Variants in UMODL1 observed in about 807,000 individuals in gnomAD.
UMODL1 encodes uromodulin like 1.
In UMODL1, 128 loss-of-function variants were observed where a neutral mutation model predicts 136.3. The ratio of observed to expected loss-of-function variants is 0.94; its 90% confidence interval spans 0.81 to 1.09. The LOEUF (loss-of-function observed/expected upper bound fraction) is 1.09, where lower values mean the gene tolerates loss of function less well. Among genes scored for constraint, UMODL1 ranks in the 50% least tolerant of loss-of-function variants. The probability of loss-of-function intolerance (pLI) is 0.00; values close to 1 mark genes in which losing one functional copy is unlikely to be tolerated. For synonymous variants in UMODL1, 721 were observed against 720.0 expected (o/e 1.00, Z -0.02); for missense variants, 1,766 against 1,725.6 (o/e 1.02, Z -0.41).
chr21:42,122,942 C>T lies in UMODL1; in HGVS notation c.2939C>T (p.Pro980Leu), dbSNP rs768402223. 1 of 1,614,000 alleles carries T rather than the reference C, an allele frequency of 6.2e-7. No individual in the cohort carries two copies. Among genetic ancestry groups the T allele is most frequent in the East Asian group, 2.2e-5 (1 of 44,882 alleles). Residue 980 changes from proline to leucine, a missense_variant, in exon 17 of 23, where the codon CCC (proline) becomes CTC (leucine). Coordinates refer to ENST00000408910, the MANE Select transcript of UMODL1 (RefSeq NM_001004416.3). The surrounding 1 kb of genome is among the most constrained non-coding windows in gnomAD (Gnocchi z 4.3). ...QGTSPTPQGL[P>L]QRLNLTGAVR... ...ACCAGCCCCACCCCCCAAGGCCTGC[C>T]CCAGCGGCTGAACCTGACCGGAGCA...
chr21:42,110,930 A>C lies in UMODL1; in HGVS notation c.1708A>C (p.Thr570Pro), dbSNP rs370799012. 3.1e-6 allele frequency: 5 copies of C among 1,612,738 alleles called. No individual in the cohort carries two copies. In the African/African-American group the frequency reaches 6.7e-5, roughly 22 times the overall value. ...GGGLSAATGV[T>P]VPGLGTGTAA... is the part of the protein sequence containing the mutation. ...TGGACTGTCTGCGGCAACAGGGGTA[A>C]CGGTCCCAGGTCTTGGCACGGGAAC... is the stretch of plus-strand genomic sequence containing the variant. Residue 570 changes from threonine to proline, a missense_variant, in exon 11 of 23, where the codon ACG becomes CCG. Coordinates refer to ENST00000408910, the MANE Select transcript of UMODL1 (RefSeq NM_001004416.3).
upstream of UMODL1, among the ~76,000 whole-genome samples, chr21:42,070,776 A>G (rs2146410363): frequency 6.6e-6 from 1 of 152,358 alleles, no homozygotes; most frequent in South Asian, 2.1e-4. Context: ...CTCTCAGCCC[A>G]AGCTCCGGGA....
chr21:42,078,788 A>G (rs1056081338), intron 2 of UMODL1, among the ~76,000 whole-genome samples: 2 of 152,196 alleles, frequency 1.3e-5, no homozygotes, highest in African/African-American at 2.4e-5. Flanking sequence ...CTGTACTCTC[A>G]TTGGTTCCCT....
At chr21:42,133,751 CCTT>C (rs1051152758) in intron 21 of UMODL1, among the ~76,000 whole-genome samples, 3 of 152,208 alleles carry the variant, frequency 2.0e-5, no homozygotes, top group Non-Finnish European at 2.9e-5. Flanking sequence ...CTGCACATGG[CCTT>C]CTTTTTATAA....
rs1908153366 is a variant in UMODL1 at position 42,085,227 on chromosome 21, CCAG to C, written c.482-59_482-57del. On this transcript the variant is annotated intron_variant, in intron 3 of 22. Coordinates refer to ENST00000408910, the MANE Select transcript of UMODL1 (RefSeq NM_001004416.3). This position sits in a 1 kb window ranked among gnomAD's most constrained non-coding sequence, Gnocchi z 4.5. The stretch of plus-strand genomic sequence containing the variant: ...TCCCTCTCCTGCCCCCTCTCCCACC[CCAG>C]CAGCTTTTGTGACTTCAACCTGTCC... 3 of 1,577,662 alleles carry C rather than the reference CCAG, an allele frequency of 1.9e-6. No individual in the cohort carries two copies. The Admixed American group carries it at 5.2e-5, about 27-fold the overall frequency.
intron 13 of UMODL1, among the ~76,000 whole-genome samples, chr21:42,114,596 G>A (rs896702532): frequency 2.0e-5 from 3 of 152,198 alleles, no homozygotes; most frequent in East Asian, 1.9e-4. Context: ...ACAGTGGGGC[G>A]CACACCCCTT....
chr21:42,069,269 A>ACACACACACACAC (rs1171449440), upstream of UMODL1, among the ~76,000 whole-genome samples: 15 of 46,610 alleles, frequency 3.2e-4, no homozygotes, highest in Non-Finnish European at 7.4e-4. Context: ...CACACACACA[A>ACACACACACACAC]ACAGCAGGGG....
chr21:42,066,367 C>T (rs914172117), upstream of UMODL1, among the ~76,000 whole-genome samples: 3 of 152,362 alleles, frequency 2.0e-5, no homozygotes, highest in Middle Eastern at 3.4e-3. Context: ...ACTGCAACCT[C>T]CACCTCCTGG....
chr21:42,069,269 A>ACACACACACACACACACACACAC (rs1171449440), upstream of UMODL1, among the ~76,000 whole-genome samples: 1 of 46,614 alleles, frequency 2.1e-5, no homozygotes, highest in Non-Finnish European at 6.2e-5. Context: ...CACACACACA[A>ACACACACACACACACACACACAC]ACAGCAGGGG....
intron 6 of UMODL1, chr21:42,094,088 C>T (rs894198916): frequency 3.1e-5 from 12 of 393,324 alleles, no homozygotes; most frequent in East Asian, 2.9e-4. Flanking sequence ...ATTCTATTTA[C>T]GGTTAGGTTT....
intron 14 of UMODL1, among the ~76,000 whole-genome samples, chr21:42,117,962 A>G (rs571750214): frequency 2.0e-5 from 3 of 152,250 alleles, no homozygotes; most frequent in African/African-American, 7.2e-5. Context: ...CTAGAATTTC[A>G]GGACAGCAAA....
At chr21:42,126,515 C>T (rs374555389) in intron 18 of UMODL1, 25 bp downstream of exon 18, 18 of 1,613,934 alleles carry the variant, frequency 1.1e-5, no homozygotes, top group Non-Finnish European at 1.4e-5. Flanking sequence ...CCCCGGCTGC[C>T]CCACAGCCAC....
chr21:42,120,123 A>T (rs1032627882), intron 15 of UMODL1, among the ~76,000 whole-genome samples: 109 of 152,366 alleles, frequency 7.2e-4, no homozygotes, highest in African/African-American at 2.5e-3. Flanking sequence ...AGACATCCCC[A>T]TTAGAATGCA....
intron 22 of UMODL1, among the ~76,000 whole-genome samples, chr21:42,139,926 CA>C (rs574261104): frequency 5.3e-4 from 81 of 152,298 alleles, no homozygotes; most frequent in African/African-American, 1.9e-3. Context: ...ATCACTTCCA[CA>C]AGCGGGTGGC....
intron 2 of UMODL1, among the ~76,000 whole-genome samples, chr21:42,081,985 G>A (rs901141160): frequency 1.3e-5 from 2 of 152,156 alleles, no homozygotes; most frequent in South Asian, 2.1e-4. Flanking sequence ...TGCACCCAAC[G>A]TTCATTTTTC....
rs2066817975 is a variant in UMODL1, at chr21:42,111,134, G to A, written c.1899+13G>A. Reference sequence around the variant, plus strand: ...CGTGGAGCAGGAGGTGCCCAGCACTGCCCCGGGTCTGGGGATGGACCAGGG... The same window carrying A: ...CGTGGAGCAGGAGGTGCCCAGCACTACCCCGGGTCTGGGGATGGACCAGGG... On this transcript the variant is annotated intron_variant, in intron 11 of 22. Transcript: ENST00000408910. 6.2e-6 allele frequency: 10 copies of A among 1,601,152 alleles called. No individual in the cohort carries two copies. The highest frequency in any genetic ancestry group is 7.7e-6 in the Non-Finnish European group (9 of 1,174,440).
intron 1 of UMODL1, among the ~76,000 whole-genome samples, chr21:42,073,054 A>G (rs1053883983): frequency 6.6e-6 from 1 of 152,140 alleles, no homozygotes; most frequent in African/African-American, 2.4e-5. Flanking sequence ...GCGTGTGCGC[A>G]TGTGTGCAGG....
chr21:42,127,507 C>A lies in UMODL1; in HGVS notation c.3531-165C>A, dbSNP rs561340811. 5.9e-5 allele frequency among the ~76,000 whole-genome samples: 9 copies of A among 152,296 alleles called. No individual in the cohort carries two copies. In the South Asian group the frequency reaches 1.9e-3, roughly 32 times the overall value. ...TGCAGGATTTCCAGGCGAGTGCTGT[C>A]ATGGACCTGGGTTTTGGGGAACAAA... On this transcript the variant is annotated intron_variant, in intron 19 of 22. Coordinates refer to ENST00000408910, the MANE Select transcript of UMODL1 (RefSeq NM_001004416.3).
At chr21:42,103,786 C>T in intron 8 of UMODL1, 82 bp from the exon 9 acceptor site, 2 of 1,507,652 alleles carry the variant, frequency 1.3e-6, no homozygotes, top group Non-Finnish European at 1.8e-6. Context: ...GCTCCAAGCA[C>T]CATCCATCGG....
Sources: gnomAD v4.1 joint callset for allele counts (sites outside exome capture counted in the v4.1 genomes callset) on GRCh38, gnomAD v4.1.1 for gene constraint, Gnocchi (gnomAD v3.1) non-coding constraint, MANE v1.5 for transcripts, NCBI Gene and HGNC (gene_info 2026-07-23, HGNC 2026-07-21) for gene names.